The following ATP13A4 variants were observed in gnomAD, a reference collection of about 807,000 sequenced individuals.
The protein encoded by ATP13A4 is probable cation-transporting ATPase 13A4.
A neutral mutation model predicts 142.5 loss-of-function variants in ATP13A4; 114 were observed. The ratio of observed to expected loss-of-function variants is 0.80; its 90% confidence interval spans 0.69 to 0.93. The LOEUF is 0.93. ATP13A4 is among the 40% of genes least tolerant of loss of function. The pLI is 0.00. For missense variants in ATP13A4, 1,392 were observed against 1,454.0 expected (o/e 0.96, Z 0.69); for synonymous variants, 488 against 514.8 (o/e 0.95, Z 0.70).
chr3:193,582,541 C>T (rs1244369372), intron 1 of ATP13A4, among the ~76,000 whole-genome samples: 1 of 129,526 alleles, frequency 7.7e-6, no homozygotes, highest in Non-Finnish European at 1.5e-5. Flanking sequence ...TATATTATTA[C>T]ATATATTATA....
At chr3:193,530,165 A>G (rs568839662) in intron 1 of ATP13A4, among the ~76,000 whole-genome samples, 18 of 152,130 alleles carry the variant, frequency 1.2e-4, no homozygotes, top group African/African-American at 2.9e-4. Context: ...AGCTTGCCCT[A>G]TGCTTTCTCA....
At chr3:193,474,958 T>C (rs192231940) in intron 8 of ATP13A4, among the ~76,000 whole-genome samples, 54 of 152,206 alleles carry the variant, frequency 3.5e-4, no homozygotes, top group Middle Eastern at 3.4e-3. Context: ...ATAACATTGC[T>C]CACCTTATGA....
chr3:193,548,807 G>A (rs1222215809), intron 1 of ATP13A4, among the ~76,000 whole-genome samples: 2 of 152,182 alleles, frequency 1.3e-5, no homozygotes, highest in African/African-American at 2.4e-5. Context: ...CTGCTGCCAC[G>A]TTATGTGCCC....
At chr3:193,412,130 C>T (rs761778563) in intron 27 of ATP13A4, 48 bp downstream of exon 27, 2 of 1,508,574 alleles carry the variant, frequency 1.3e-6, no homozygotes, top group Non-Finnish European at 1.8e-6. Context: ...CATGTCTGTT[C>T]CCCTCTCTGA....
At chr3:193,563,523 T>C (rs1724062322) in intron 2 of ATP13A4, among the ~76,000 whole-genome samples, 1 of 152,210 alleles carries the variant, frequency 6.6e-6, no homozygotes, top group Non-Finnish European at 1.5e-5. Flanking sequence ...CCAGGTGAGG[T>C]GGCACATGCC....
chr3:193,558,899 C>A (rs554632586), upstream of ATP13A4, among the ~76,000 whole-genome samples: 2 of 152,124 alleles, frequency 1.3e-5, no homozygotes, highest in Non-Finnish European at 2.9e-5. Context: ...ATAAAAAGGA[C>A]AAATACTTAG....
At chr3:193,512,953 T>G (rs572500436) in intron 2 of ATP13A4, among the ~76,000 whole-genome samples, 5 of 152,348 alleles carry the variant, frequency 3.3e-5, no homozygotes, top group Admixed American at 6.5e-5. Context: ...GAAGCACAGC[T>G]CCAGCTCAAC....
chr3:193,546,380 T>C (rs1046242594), intron 1 of ATP13A4, among the ~76,000 whole-genome samples: 9 of 152,124 alleles, frequency 5.9e-5, no homozygotes, highest in African/African-American at 2.2e-4. Flanking sequence ...CCAATTGTAG[T>C]CAGTCAGGAT....
chr3:193,493,994 T>C (rs1464082208), intron 3 of ATP13A4, among the ~76,000 whole-genome samples: 1 of 151,884 alleles, frequency 6.6e-6, no homozygotes, highest in Non-Finnish European at 1.5e-5. Flanking sequence ...AATAGTTATA[T>C]CAGATAAGAT....
chr3:193,497,450 T>C (rs569142680), intron 3 of ATP13A4, among the ~76,000 whole-genome samples: 3 of 152,162 alleles, frequency 2.0e-5, no homozygotes, highest in African/African-American at 7.2e-5. Context: ...GAGATGAAAC[T>C]CTTGTACACT....
chr3:193,536,994 G>T (rs893262831), intron 1 of ATP13A4, among the ~76,000 whole-genome samples: 8 of 152,022 alleles, frequency 5.3e-5, no homozygotes, highest in African/African-American at 1.9e-4. Context: ...CATGTTTATG[G>T]TTTGGAAAGC....
At chr3:193,451,014 T>C (rs940540309) in intron 17 of ATP13A4, among the ~76,000 whole-genome samples, 3 of 152,178 alleles carry the variant, frequency 2.0e-5, no homozygotes, top group African/African-American at 7.2e-5. Flanking sequence ...CACTGGACTG[T>C]TTCTATATGT....
chr3:193,430,061 A>G (rs752841072), intron 25 of ATP13A4, among the ~76,000 whole-genome samples: 5 of 152,142 alleles, frequency 3.3e-5, no homozygotes, highest in Non-Finnish European at 5.9e-5. Context: ...AGAAAATCCT[A>G]AAGGCACTTG....
chr3:193,579,492 A>AATAT lies in ATP13A4; in HGVS notation n.291+2211_291+2214dup, dbSNP rs34635543. Reference sequence around the variant, plus strand: ...TGCAATGGGAATATATATGTATTGTAATATATATATATATATTCCTATTCT... The same window carrying AATAT: ...TGCAATGGGAATATATATGTATTGTAATATATATATATATATATATTCCTATTCT... On this transcript the variant is annotated intron_variant and non_coding_transcript_variant, in intron 2 of 3. Coordinates refer to the ATP13A4 transcript ENST00000489140. 702 of 149,876 alleles carry AATAT rather than the reference A, an allele frequency of 4.7e-3. 7 individuals are homozygous for AATAT. Among genetic ancestry groups the AATAT allele is most frequent in the East Asian group, 0.013 (67 of 5,170 alleles). 9.3% of individuals were successfully genotyped at this position (149,876 alleles called of 1,614,324 possible). A position where few individuals can be genotyped will look rare whatever the true frequency, so the allele number is the denominator to read the frequency against.
chr3:193,453,229 C>A (rs1717386374), intron 17 of ATP13A4, among the ~76,000 whole-genome samples: 1 of 152,004 alleles, frequency 6.6e-6, no homozygotes, highest in African/African-American at 2.4e-5. Context: ...TATATTTTTA[C>A]AAAGAATATG....
At chr3:193,486,113 T>C (rs560975210) in intron 7 of ATP13A4, among the ~76,000 whole-genome samples, 1 of 151,056 alleles carries the variant, frequency 6.6e-6, no homozygotes, top group East Asian at 1.9e-4. Flanking sequence ...TTTATGATTC[T>C]GAGTTTTAAT....
intron 28 of ATP13A4, 71 bp from the exon 29 acceptor site, chr3:193,407,464 A>C: frequency 8.2e-7 from 1 of 1,219,672 alleles, no homozygotes; most frequent in Non-Finnish European, 1.2e-6. Context: ...ACATGTTCAC[A>C]GCATATATTT....
intron 23 of ATP13A4, 58 bp from the exon 24 acceptor site, chr3:193,435,802 C>A: frequency 7.0e-7 from 1 of 1,429,760 alleles, no homozygotes; most frequent in South Asian, 1.1e-5. Context: ...TAAGGTCAGT[C>A]ATTCTGTGCT....
rs561255656 is a variant in ATP13A4, at chr3:193,480,185, T to C, written c.808+3751A>G. Among the ~76,000 whole-genome samples the C allele has an allele frequency of 1.0e-3, 154 of 152,304 alleles. 1 individual carries two copies. The highest frequency in any genetic ancestry group is 1.9e-3 in the Non-Finnish European group (129 of 68,014). On this transcript the variant is annotated intron_variant, in intron 8 of 29. Coordinates refer to ENST00000342695, the MANE Select transcript of ATP13A4 (RefSeq NM_032279.4). ...CTAGAAGATAGCATTAGAAAAACTC[T>C]TCTAGACATTGGCTTAGCCAAAGAC...
Sources: allele counts gnomAD v4.1 joint callset (sites outside exome capture counted in the v4.1 genomes callset), GRCh38; gene constraint gnomAD v4.1.1; transcripts MANE v1.5; gene names NCBI Gene and HGNC (gene_info 2026-07-23, HGNC 2026-07-21).